The following MLIP variants were observed in gnomAD, a reference collection of about 807,000 sequenced individuals.
The protein encoded by MLIP is muscular LMNA-interacting protein.
Under a neutral mutation model 84.8 loss-of-function variants are expected in MLIP, and 79 were observed. That is an observed-to-expected ratio of 0.93 (90% confidence interval 0.78 to 1.12). MLIP has a LOEUF of 1.12. MLIP is among the 50% of genes most tolerant of loss of function. The pLI is 0.00. For synonymous variants in MLIP, 504 were observed against 463.0 expected, an observed-to-expected ratio of 1.09 and a Z score of -1.14; for missense variants, 1,257 against 1,160.6, an observed-to-expected ratio of 1.08 and a Z score of -1.21.
At chr6:54,075,112 T>C (rs1766719220) in intron 1 of MLIP, among the ~76,000 whole-genome samples, 1 of 151,894 alleles carries the variant, frequency 6.6e-6, no homozygotes, top group Admixed American at 6.6e-5. Context: ...CATGGCGTGG[T>C]GGCACATTCC....
intron 1 of MLIP, 129 bp downstream of exon 1, chr6:54,111,704 A>C: frequency 1.1e-6 from 1 of 942,208 alleles, no homozygotes; most frequent in Non-Finnish European, 1.6e-6. Flanking sequence ...TATTGAAATG[A>C]AATGCTATCT....
chr6:54,113,057 A>G (rs1769604128), intron 1 of MLIP, among the ~76,000 whole-genome samples: 1 of 152,208 alleles, frequency 6.6e-6, no homozygotes, highest in African/African-American at 2.4e-5. Context: ...TTTAGAAGGT[A>G]AAGCTACTTA....
intron 9 of MLIP, among the ~76,000 whole-genome samples, chr6:54,188,847 C>T (rs956127522): frequency 6.6e-6 from 1 of 152,082 alleles, no homozygotes; most frequent in African/African-American, 2.4e-5. Context: ...CAGAATATCA[C>T]GGAGGTAAAC....
At chr6:54,179,592 A>G (rs1433109600) in intron 9 of MLIP, among the ~76,000 whole-genome samples, 1 of 151,964 alleles carries the variant, frequency 6.6e-6, no homozygotes, top group African/African-American at 2.4e-5. Flanking sequence ...ATTTGAGGTT[A>G]CCATGAGGCT....
chr6:54,210,960 T>C (rs993690797), intron 11 of MLIP, among the ~76,000 whole-genome samples: 35 of 152,244 alleles, frequency 2.3e-4, no homozygotes, highest in African/African-American at 7.7e-4. Context: ...TTGGGAGGGC[T>C]GGGTGCAGTG....
At chr6:54,054,609 A>G (rs16884654) in intron 1 of MLIP, among the ~76,000 whole-genome samples, 17,825 of 152,146 alleles carry the variant, frequency 0.12, 1,168 homozygotes, top group Admixed American at 0.21. Context: ...ATAATAGTCA[A>G]TATTTCACTT....
rs533743057 is a variant in MLIP, at chr6:54,115,928, G to A, written c.96+4353G>A. Among the ~76,000 whole-genome samples the A allele has an allele frequency of 3.9e-5, 6 of 152,260 alleles. No homozygotes were observed. The South Asian group carries it at 1.2e-3, about 32-fold the overall frequency. The stretch of plus-strand genomic sequence containing the variant: ...TTTAGTTATAACTAGAAAGTGAAGG[G>A]AGTATTTTGAAAATAAGATACAGAT... On this transcript the variant is annotated intron_variant, in intron 1 of 13. Coordinates refer to ENST00000502396, the MANE Select transcript of MLIP (RefSeq NM_001281747.2).
intron 1 of MLIP, among the ~76,000 whole-genome samples, chr6:54,077,353 G>C (rs1766867739): frequency 6.6e-6 from 1 of 151,624 alleles, no homozygotes; most frequent in Non-Finnish European, 1.5e-5. Context: ...GAAGGATAAG[G>C]CTGTTTTCCA....
chr6:54,135,546 TTTTAC>T (rs1771723354), intron 3 of MLIP, among the ~76,000 whole-genome samples: 1 of 152,124 alleles, frequency 6.6e-6, no homozygotes, highest in South Asian at 2.1e-4. Context: ...AAGAAATATC[TTTTAC>T]TTTATTTGTA....
chr6:54,261,566 G>A lies in MLIP; in HGVS notation c.2976+4205G>A, dbSNP rs534297050. 25 of 984,422 alleles carry A rather than the reference G, an allele frequency of 2.5e-5. No homozygotes were observed. The South Asian group carries it at 8.9e-4, about 35-fold the overall frequency. The allele number at this position is 984,422 out of a possible 1,614,324, so 61.0% of individuals were successfully genotyped here. The stretch of plus-strand genomic sequence containing the variant: ...ACAACATAACAATTCTGTTAGCAAG[G>A]TGACTATGACTGATTTGCCACTTTG... On this transcript the variant is annotated intron_variant, in intron 13 of 13. Coordinates refer to ENST00000502396, the MANE Select transcript of MLIP (RefSeq NM_001281747.2).
chr6:54,192,594 C>A (rs1173877901), intron 10 of MLIP, among the ~76,000 whole-genome samples: 1 of 151,530 alleles, frequency 6.6e-6, no homozygotes, highest in Non-Finnish European at 1.5e-5. Flanking sequence ...ATAAGAATGT[C>A]TTTGATAAAC....
intron 1 of MLIP, among the ~76,000 whole-genome samples, chr6:54,103,672 C>T (rs1192521904): frequency 6.6e-6 from 1 of 152,162 alleles, no homozygotes; most frequent in Non-Finnish European, 1.5e-5. Flanking sequence ...TTTCTGACAT[C>T]TGCCTTCACT....
intron 12 of MLIP, among the ~76,000 whole-genome samples, chr6:54,247,868 G>A (rs570853271): frequency 6.6e-6 from 1 of 152,114 alleles, no homozygotes; most frequent in Admixed American, 6.6e-5. Flanking sequence ...CGGGGTCTAA[G>A]GTGAGAGGGG....
intron 11 of MLIP, chr6:54,216,276 A>C (rs1232720709): frequency 1.6e-5 from 16 of 985,318 alleles, no homozygotes; most frequent in Non-Finnish European, 1.9e-5. Context: ...TTCCATTATG[A>C]GCAATTGTAG....
intron 12 of MLIP, among the ~76,000 whole-genome samples, chr6:54,256,679 A>G (rs911297750): frequency 6.6e-6 from 1 of 151,998 alleles, no homozygotes; most frequent in African/African-American, 2.4e-5. Flanking sequence ...GAAGACCCAC[A>G]TAGCAATAAA....
chr6:54,234,538 T>C (rs1781236245), intron 12 of MLIP, among the ~76,000 whole-genome samples: 1 of 152,152 alleles, frequency 6.6e-6, no homozygotes, highest in African/African-American at 2.4e-5. Context: ...TCCTTGATGA[T>C]GCTGCAAATC....
In MLIP at chr6:54,030,643, G is replaced by A. The variant is rs377362018; in HGVS notation, c.63+11552G>A. 8.6e-5 allele frequency: 13 copies of A among 150,568 alleles called. No homozygotes were observed. The East Asian group carries it at 9.7e-4, about 11-fold the overall frequency. The allele number at this position is 150,568 out of a possible 1,614,324, so 9.3% of individuals were successfully genotyped here. ...CCTTCATCTGGCATTTTTATTCCTT[G>A]CACGTAAGATATTTTCCTAGGAAAG... On this transcript the variant is annotated intron_variant, in intron 1 of 12. Coordinates refer to the MLIP transcript ENST00000274897.
At chr6:54,159,209 G>A (rs993642054) in intron 5 of MLIP, among the ~76,000 whole-genome samples, 9 of 151,948 alleles carry the variant, frequency 5.9e-5, no homozygotes, top group Admixed American at 5.9e-4. Flanking sequence ...CACTGTGAAT[G>A]GCCATAAGAT....
intron 4 of MLIP, among the ~76,000 whole-genome samples, chr6:54,146,572 T>C (rs1351359167): frequency 6.6e-6 from 1 of 152,166 alleles, no homozygotes. Context: ...GGGAGAATTT[T>C]GTACTAATTC....
Sources: gnomAD v4.1 joint callset for allele counts (sites outside exome capture counted in the v4.1 genomes callset) on GRCh38, gnomAD v4.1.1 for gene constraint, MANE v1.5 for transcripts, NCBI Gene and HGNC (gene_info 2026-07-23, HGNC 2026-07-21) for gene names.